Variants in FOXP2 observed in about 807,000 individuals in gnomAD.
The protein encoded by FOXP2 is forkhead box P2.
A neutral mutation model predicts 115.8 loss-of-function variants in FOXP2; 12 were observed. The observed-to-expected ratio is 0.10, with a 90% CI of 0.07 to 0.17. The LOEUF is 0.17. Ranked by LOEUF, FOXP2 falls within the 10% of genes least tolerant of loss-of-function variation. FOXP2 has a pLI of 1.00. For synonymous variants in FOXP2, 328 were observed against 297.7 expected, an observed-to-expected ratio of 1.10 and a Z score of -1.05; for missense variants, 629 against 843.5, an observed-to-expected ratio of 0.75 and a Z score of 3.15.
At chr7:114,115,616 A>G (rs1445820982) in intron 1 of FOXP2, among the ~76,000 whole-genome samples, 1 of 151,756 alleles carries the variant, frequency 6.6e-6, no homozygotes, top group East Asian at 1.9e-4. Context: ...TTTCTTCTCT[A>G]CTCAACCCTC....
chr7:114,139,138 G>A (rs563025437), intron 1 of FOXP2, among the ~76,000 whole-genome samples: 1 of 152,102 alleles, frequency 6.6e-6, no homozygotes, highest in African/African-American at 2.4e-5. Context: ...TATAGACCAG[G>A]TACTTTAAAA....
intron 2 of FOXP2, among the ~76,000 whole-genome samples, chr7:114,427,828 T>C (rs768172335): frequency 6.6e-6 from 1 of 151,668 alleles, no homozygotes; most frequent in Non-Finnish European, 1.5e-5. Context: ...CCTTTAGGCA[T>C]TGTTTTCAAG....
rs1793285677 is a variant in FOXP2, at chr7:114,415,275, T to C, written c.-96T>C. ...TTTTATACTGTTTTCTGTGCTGGCT[T>C]TTTTGAATCTTCCTAATTTTTCATC... On this transcript the variant is annotated 5_prime_UTR_variant, in exon 1 of 17. Transcript: ENST00000350908. The C allele has an allele frequency of 6.6e-6, 3 of 453,686 alleles. No homozygotes were observed. The highest frequency in any genetic ancestry group is 1.3e-5 in the Non-Finnish European group (3 of 226,688). 28.1% of individuals were successfully genotyped at this position (453,686 alleles called of 1,614,324 possible). A position where few individuals can be genotyped will look rare whatever the true frequency, so the allele number is the denominator to read the frequency against.
At chr7:114,426,475 T>A (rs1435955561) in intron 1 of FOXP2, 27 bp from the exon 2 acceptor site, 1 of 1,605,930 alleles carries the variant, frequency 6.2e-7, no homozygotes, top group East Asian at 2.2e-5. Flanking sequence ...TAACGTGTGT[T>A]AATTGATACT....
chr7:114,272,002 ATAT>A (rs886961935), intron 1 of FOXP2, among the ~76,000 whole-genome samples: 36 of 135,628 alleles, frequency 2.7e-4, no homozygotes, highest in Admixed American at 6.5e-4. Context: ...ATAATATGTA[ATAT>A]TATAATTATA....
intron 3 of FOXP2, among the ~76,000 whole-genome samples, chr7:114,585,665 G>C (rs1444158095): frequency 6.6e-6 from 1 of 150,882 alleles, no homozygotes; most frequent in Non-Finnish European, 1.5e-5. Context: ...AGGAGTTAAA[G>C]ACCAGCCTGG....
intron 2 of FOXP2, among the ~76,000 whole-genome samples, chr7:114,408,031 A>C (rs1793075724): frequency 6.6e-6 from 1 of 152,200 alleles, no homozygotes; most frequent in Non-Finnish European, 1.5e-5. Flanking sequence ...CACTCTATAA[A>C]ATGTAAAGCT....
intron 1 of FOXP2, among the ~76,000 whole-genome samples, chr7:114,251,374 A>C (rs550494934): frequency 6.6e-6 from 1 of 152,318 alleles, no homozygotes; most frequent in Admixed American, 6.5e-5. Context: ...TTGAATCTAT[A>C]AATTACCTTG....
At chr7:114,253,603 T>G (rs1795514883) in intron 1 of FOXP2, among the ~76,000 whole-genome samples, 1 of 152,336 alleles carries the variant, frequency 6.6e-6, no homozygotes, top group South Asian at 2.1e-4. Context: ...TATCAGAGAC[T>G]AGGATTGCAA....
chr7:114,672,300 G>T (rs191666184), intron 16 of FOXP2, among the ~76,000 whole-genome samples: 1 of 152,142 alleles, frequency 6.6e-6, no homozygotes, highest in African/African-American at 2.4e-5. Flanking sequence ...AGTACATATT[G>T]TTGGCCGGGT....
chr7:114,157,761 T>C (rs1297794388), intron 1 of FOXP2, among the ~76,000 whole-genome samples: 1 of 152,078 alleles, frequency 6.6e-6, no homozygotes, highest in East Asian at 1.9e-4. Context: ...AAAAACATAT[T>C]ATATATTTGC....
chr7:114,099,272 G>A (rs1031289969), intron 1 of FOXP2, among the ~76,000 whole-genome samples: 5 of 152,070 alleles, frequency 3.3e-5, no homozygotes, highest in African/African-American at 1.2e-4. Context: ...ATATGAAAAG[G>A]TGCCCAACAT....
intron 1 of FOXP2, among the ~76,000 whole-genome samples, chr7:114,157,565 G>A (rs1011576640): frequency 1.3e-5 from 2 of 152,016 alleles, no homozygotes; most frequent in Non-Finnish European, 2.9e-5. Context: ...AGAATGAAAG[G>A]CCTTAGGTTT....
chr7:114,685,760 A>C lies in FOXP2; in HGVS notation c.2004-4022A>C, dbSNP rs9640758. 0.032 allele frequency among the ~76,000 whole-genome samples: 4,871 copies of C among 152,252 alleles called. 419 individuals are homozygous for C. In the East Asian group the frequency reaches 0.35, roughly 11 times the overall value. On this transcript the variant is annotated intron_variant, in intron 16 of 16. Coordinates refer to ENST00000350908, the MANE Select transcript of FOXP2 (RefSeq NM_014491.4). ...AGAATTGGCTTTTCTGATGGGCTTT[A>C]AAGTACTTTTCTTATATCTGTGATA...
At chr7:114,237,082 G>T (rs1444360345) in intron 1 of FOXP2, among the ~76,000 whole-genome samples, 1 of 152,110 alleles carries the variant, frequency 6.6e-6, no homozygotes, top group Non-Finnish European at 1.5e-5. Context: ...GACATGTACT[G>T]CTTATTTGTG....
intron 2 of FOXP2, among the ~76,000 whole-genome samples, chr7:114,335,599 A>C (rs1797834236): frequency 6.6e-6 from 1 of 151,916 alleles, no homozygotes; most frequent in South Asian, 2.1e-4. Flanking sequence ...ATTATTTCCG[A>C]AGAATGCAAA....
intron 2 of FOXP2, among the ~76,000 whole-genome samples, chr7:114,342,996 A>C (rs942630036): frequency 6.6e-6 from 1 of 151,618 alleles, no homozygotes; most frequent in East Asian, 1.9e-4. Context: ...CTAATTTTAA[A>C]GATAATTTAT....
intron 3 of FOXP2, among the ~76,000 whole-genome samples, chr7:114,599,702 A>T (rs1802920027): frequency 6.6e-6 from 1 of 152,160 alleles, no homozygotes; most frequent in Middle Eastern, 3.2e-3. Flanking sequence ...CTGTAGTGAC[A>T]GTCCTTTTCT....
chr7:114,658,777 A>G (rs1806720475), intron 11 of FOXP2, among the ~76,000 whole-genome samples: 2 of 152,150 alleles, frequency 1.3e-5, no homozygotes, highest in South Asian at 4.1e-4. Flanking sequence ...ATTTGCATGG[A>G]ACACAAATTT....
Sources: gnomAD v4.1 joint callset for allele counts (sites outside exome capture counted in the v4.1 genomes callset) on GRCh38, gnomAD v4.1.1 for gene constraint, MANE v1.5 for transcripts, NCBI Gene and HGNC (gene_info 2026-07-23, HGNC 2026-07-21) for gene names.